STRN: variants seen among roughly 807,000 people sequenced by gnomAD.
STRN encodes protein phosphatase 2 regulatory subunit B'''alpha.
STRN carries 53 observed loss-of-function variants against 96.3 expected under a neutral mutation model. The observed-to-expected ratio is 0.55, with a 90% CI of 0.44 to 0.69. STRN has a LOEUF of 0.69. STRN is among the 30% of genes least tolerant of loss of function. The pLI is 0.00. For synonymous variants in STRN, 428 were observed against 355.9 expected (o/e 1.20, Z -2.28); for missense variants, 987 against 963.9 (o/e 1.02, Z -0.32).
intron 12 of STRN, among the ~76,000 whole-genome samples, chr2:36,865,404 T>C (rs1029835426): frequency 1.3e-5 from 2 of 152,186 alleles, no homozygotes; most frequent in African/African-American, 2.4e-5. Context: ...ACCTATCTTA[T>C]TCTTTCGAAG....
chr2:36,959,262 A>G (rs1664970994), intron 1 of STRN, among the ~76,000 whole-genome samples: 1 of 152,200 alleles, frequency 6.6e-6, no homozygotes, highest in African/African-American at 2.4e-5. Flanking sequence ...TCTAAAAAAA[A>G]TAAATAAATA....
At chr2:36,938,197 G>A (rs910043564) in intron 1 of STRN, among the ~76,000 whole-genome samples, 4 of 152,012 alleles carry the variant, frequency 2.6e-5, no homozygotes, top group Non-Finnish European at 5.9e-5. Context: ...AGGCCGAGGC[G>A]GGTGGATCAC....
chr2:36,941,398 TA>T lies in STRN; in HGVS notation c.235-16191del, dbSNP rs529844679. On this transcript the variant is annotated intron_variant, in intron 1 of 17. Coordinates refer to ENST00000263918, the MANE Select transcript of STRN (RefSeq NM_003162.4). ...TTTCTTCACATCGCTCTCCACCCCA[TA>T]AAAAAGTAATGTTCAAAGCTGTTAA... Among the ~76,000 whole-genome samples, 772 of 152,264 alleles carry T rather than the reference TA, an allele frequency of 5.1e-3. 5 individuals carry two copies. Among genetic ancestry groups the T allele is most frequent in the Non-Finnish European group, 8.7e-3 (594 of 68,002 alleles).
intron 13 of STRN, among the ~76,000 whole-genome samples, chr2:36,859,768 G>A (rs1243073445): frequency 7.9e-5 from 12 of 152,170 alleles, no homozygotes; most frequent in Non-Finnish European, 1.8e-4. Context: ...AAAGCCAATA[G>A]AATGGACAGA....
At chr2:36,910,335 T>C (rs1473962820) in intron 3 of STRN, among the ~76,000 whole-genome samples, 3 of 152,190 alleles carry the variant, frequency 2.0e-5, no homozygotes, top group South Asian at 4.1e-4. Flanking sequence ...ATTGGGAATT[T>C]TTTTTCATAT....
At chr2:36,854,664 G>C (rs909797739) in intron 15 of STRN, among the ~76,000 whole-genome samples, 1 of 152,302 alleles carries the variant, frequency 6.6e-6, no homozygotes, top group Non-Finnish European at 1.5e-5. Context: ...AACTGTGATT[G>C]TCTAGATTAT....
chr2:36,840,362 C>T lies in STRN; in HGVS notation c.*9094G>A, dbSNP rs557492171. 2 of 152,162 alleles carry T rather than the reference C, an allele frequency of 1.3e-5. No homozygotes were observed. The highest frequency in any genetic ancestry group is 2.9e-5 in the Non-Finnish European group (2 of 68,056). 9.4% of individuals were successfully genotyped at this position (152,162 alleles called of 1,614,324 possible). A position where few individuals can be genotyped will look rare whatever the true frequency, so the allele number is the denominator to read the frequency against. ...GACACCTTCCTGTCCCCACCATGCT[C>T]TGCTCAGTTTTCACGCAGGCAGGAC... On this transcript the variant is annotated 3_prime_UTR_variant, in exon 18 of 18. Coordinates refer to ENST00000263918, the MANE Select transcript of STRN (RefSeq NM_003162.4).
chr2:36,931,869 C>T (rs1044118337), intron 1 of STRN, among the ~76,000 whole-genome samples: 2 of 152,214 alleles, frequency 1.3e-5, no homozygotes, highest in Admixed American at 6.5e-5. Flanking sequence ...CGCTCTGTTG[C>T]CCAGGCTGGA....
intron 1 of STRN, among the ~76,000 whole-genome samples, chr2:36,927,384 C>A (rs1215945990): frequency 6.6e-6 from 1 of 152,038 alleles, no homozygotes; most frequent in Non-Finnish European, 1.5e-5. Flanking sequence ...TGGCATGTGT[C>A]TGTGGTCCCA....
At chr2:36,858,120 T>A in intron 13 of STRN, 97 bp from the exon 14 acceptor site, 3 of 918,574 alleles carry the variant, frequency 3.3e-6, no homozygotes, top group Non-Finnish European at 4.7e-6. Flanking sequence ...TAGCACCTGA[T>A]AACAGTATAA....
Position 36,893,895 on chromosome 2 carries a change from T to A in STRN, c.931+3A>T. ...TCTGGTTGGATCCAGTATGCTTCCT[T>A]ACCCCAGTCTGTTCCATCGCCTGCA... On this transcript the variant is annotated splice_donor_region_variant and intron_variant, in intron 7 of 17. Transcript: ENST00000263918. 1 of 1,600,390 alleles carries A rather than the reference T, an allele frequency of 6.2e-7. No individual in the cohort carries two copies. Among genetic ancestry groups the A allele is most frequent in the Non-Finnish European group, 8.5e-7 (1 of 1,176,486 alleles).
At chr2:36,871,401 T>C (rs986508613) in intron 10 of STRN, among the ~76,000 whole-genome samples, 1 of 152,214 alleles carries the variant, frequency 6.6e-6, no homozygotes, top group Non-Finnish European at 1.5e-5. Flanking sequence ...TTTAGATACT[T>C]ACCATTGTGT....
chr2:36,889,566 T>C (rs1572650911), intron 7 of STRN, among the ~76,000 whole-genome samples: 3 of 140,694 alleles, frequency 2.1e-5, no homozygotes, highest in African/African-American at 8.0e-5. Context: ...AAAATCTTTT[T>C]GCTTGCCAGA....
In STRN at chr2:36,838,177, G is replaced by A. The variant is rs2540939; in HGVS notation, c.*11279C>T. Among the ~76,000 whole-genome samples, 7,664 of 152,272 alleles carry A rather than the reference G, an allele frequency of 0.05. 318 individuals are homozygous for A. The highest frequency in any genetic ancestry group is 0.13 in the East Asian group (676 of 5,182). On this transcript the variant is annotated 3_prime_UTR_variant, in exon 18 of 18. Transcript: ENST00000263918. ...TTGATGCACCCTGGCAAGCTTTGAA[G>A]GTGGAAGGGACCACGTGCAAGGACC... is the stretch of plus-strand genomic sequence containing the variant.
At chr2:36,868,463 A>C (rs1668683704) in intron 11 of STRN, among the ~76,000 whole-genome samples, 1 of 152,184 alleles carries the variant, frequency 6.6e-6, no homozygotes, top group African/African-American at 2.4e-5. Context: ...CACCATTATT[A>C]TAGGTACACT....
At chr2:36,852,705 T>C (rs935661107) in intron 15 of STRN, among the ~76,000 whole-genome samples, 1 of 152,226 alleles carries the variant, frequency 6.6e-6, no homozygotes, top group Non-Finnish European at 1.5e-5. Context: ...AACCCTAGAA[T>C]AGGTATTACA....
chr2:36,956,472 G>A (rs868428524), intron 1 of STRN, among the ~76,000 whole-genome samples: 3 of 152,084 alleles, frequency 2.0e-5, no homozygotes, highest in African/African-American at 2.4e-5. Context: ...ATTGGCCACC[G>A]AGGCAAGAAA....
intron 1 of STRN, among the ~76,000 whole-genome samples, chr2:36,948,143 C>A (rs1664648453): frequency 8.2e-6 from 1 of 121,334 alleles, no homozygotes; most frequent in Admixed American, 1.0e-4. Flanking sequence ...ACTCTGTCGC[C>A]CAGGCTGGAG....
chr2:36,893,835 G>A (rs1669466842), intron 7 of STRN, 63 bp downstream of exon 7: 1 of 1,521,046 alleles, frequency 6.6e-7, no homozygotes, highest in Non-Finnish European at 8.8e-7. Flanking sequence ...TTGCCCTCCT[G>A]GTAAAATATT....
Sources: gnomAD v4.1 joint callset for allele counts (sites outside exome capture counted in the v4.1 genomes callset) on GRCh38, gnomAD v4.1.1 for gene constraint, MANE v1.5 for transcripts, NCBI Gene and HGNC (gene_info 2026-07-23, HGNC 2026-07-21) for gene names.